The following TMEM200C variants were observed in gnomAD, a reference collection of about 807,000 sequenced individuals.
The protein encoded by TMEM200C is transmembrane protein 200C.
For missense variants in TMEM200C, 966 were observed against 699.9 expected (o/e 1.38, Z -4.29); for synonymous variants, 462 against 324.7 (o/e 1.42, Z -4.55).
intron 2 of TMEM200C, among the ~76,000 whole-genome samples, chr18:5,892,798 G>A (rs1004230188): frequency 6.6e-6 from 1 of 152,212 alleles, no homozygotes; most frequent in African/African-American, 2.4e-5. Context: ...CACCACTGGG[G>A]AAGCAGCAGA....
chr18:5,890,708 C>G (rs1394349367), exon 3 of TMEM200C: 2 of 516,566 alleles, frequency 3.9e-6, no homozygotes, highest in Non-Finnish European at 6.5e-6. Context: ...CGCCCTGCCC[C>G]CTGGCGGCGC....
chr18:5,890,288 C>CAGTT lies in TMEM200C; in HGVS notation c.1775_1776insAACT (p.Arg593ThrfsTer54), dbSNP rs1599525516. 1 of 1,599,854 alleles carries CAGTT rather than the reference C, an allele frequency of 6.3e-7. No individual in the cohort carries two copies. The highest frequency in any genetic ancestry group is 2.3e-5 in the East Asian group (1 of 44,438). On this transcript the variant is annotated frameshift_variant, in exon 3 of 3. Transcript: ENST00000581347. LOFTEE classifies it low-confidence loss of function (END_TRUNC). The stretch of plus-strand genomic sequence containing the variant: ...GTTTCTCCTTGTTTGTAAACTGCCT[C>CAGTT]TGCACCGGCTGAGGTTGCTCGGCCG...
chr18:5,890,218 G>A (rs746264079), exon 3 of TMEM200C: 1 of 1,560,034 alleles, frequency 6.4e-7, no homozygotes. Flanking sequence ...GTGCTTTCCA[G>A]TTCTTCTTCT....
exon 3 of TMEM200C, chr18:5,882,160 A>G (rs915400646): frequency 2.6e-5 from 4 of 152,188 alleles, no homozygotes; most frequent in Admixed American, 1.3e-4. Context: ...ATGCTGCATT[A>G]CAAGTTGCCA....
At chr18:5,887,502 A>C (rs751900624) in exon 3 of TMEM200C, 1 of 152,214 alleles carries the variant, frequency 6.6e-6, no homozygotes, top group African/African-American at 2.4e-5. Flanking sequence ...GCCCATTTCA[A>C]CTCAGCATCT....
intron 1 of TMEM200C, chr18:5,895,740 G>A (rs1291122082): frequency 3.3e-5 from 5 of 150,806 alleles, no homozygotes; most frequent in African/African-American, 1.2e-4. Flanking sequence ...GGGCGCTCGG[G>A]CCGCGGGGCA....
rs73384004 is a variant in TMEM200C, at chr18:5,891,995, C to G, written c.69G>C (p.Gln23His). The change falls in exon 3 of 3, where the codon CAG (glutamine) becomes CAC (histidine). Residue 23 changes from glutamine (Q) to histidine (H), a missense_variant. Transcript: ENST00000581347. The surrounding 1 kb of genome is among the most constrained non-coding windows in gnomAD (Gnocchi z 4.7). ...TGGCTTTCCGCTTGCGCTTGGGTAT[C>G]TGGCTTGGGGGGCGGAGTGGATCCT... 557 of 1,613,976 alleles carry G rather than the reference C, an allele frequency of 3.5e-4. 2 individuals are homozygous for G. The African/African-American group carries it at 6.6e-3, about 19-fold the overall frequency.
chr18:5,883,005 C>T (rs1357494265), exon 3 of TMEM200C: 1 of 151,792 alleles, frequency 6.6e-6, no homozygotes, highest in Non-Finnish European at 1.5e-5. Context: ...TTTACCATGA[C>T]ATATTAACCA....
exon 3 of TMEM200C, chr18:5,889,960 C>T: frequency 2.7e-6 from 1 of 372,800 alleles, no homozygotes; most frequent in Non-Finnish European, 4.7e-6. Flanking sequence ...ATTTGGTTTT[C>T]ATTGAACATA....
Position 5,891,719 on chromosome 18 carries a change from G to A in TMEM200C, c.345C>T (p.Ser115=). 3.1e-6 allele frequency: 5 copies of A among 1,613,236 alleles called. No individual in the cohort carries two copies. The highest frequency in any genetic ancestry group is 4.2e-6 in the Non-Finnish European group (5 of 1,179,846). Residue 115 remains serine (S), a synonymous_variant, in exon 3 of 3, where the codon AGC becomes AGT. Coordinates refer to ENST00000581347, the Ensembl canonical transcript of TMEM200C. The surrounding 1 kb of genome is among the most constrained non-coding windows in gnomAD (Gnocchi z 4.7). ...TGACACCCCCTGGAGCCCTAGGGTG[G>A]CTCCTGGACCGGTTTTTGCTGCCAC...
At chr18:5,884,624 G>C (rs1321459861) in exon 3 of TMEM200C, 1 of 152,014 alleles carries the variant, frequency 6.6e-6, no homozygotes, top group East Asian at 1.9e-4. Context: ...TTTACCAAAA[G>C]GGCAGAAGCT....
exon 3 of TMEM200C, chr18:5,890,805 A>T (rs2144448682): frequency 1.5e-6 from 1 of 668,268 alleles, no homozygotes; most frequent in East Asian, 3.0e-5. Context: ...GGTCATGCTC[A>T]GGTCGAGCTC....
At chr18:5,883,018 G>T (rs770079490) in exon 3 of TMEM200C, 1 of 148,424 alleles carries the variant, frequency 6.7e-6, no homozygotes, top group Non-Finnish European at 1.5e-5. Context: ...ATTAACCACA[G>T]CACTTTATCT....
exon 3 of TMEM200C, chr18:5,889,838 T>TAA (rs578105108): frequency 6.2e-6 from 1 of 160,648 alleles, no homozygotes; most frequent in Non-Finnish European, 1.3e-5. Flanking sequence ...AATGAGGGAT[T>TAA]AAAAAAAAAA....
exon 3 of TMEM200C, chr18:5,890,149 G>A: frequency 6.8e-7 from 1 of 1,479,916 alleles, no homozygotes; most frequent in Non-Finnish European, 9.0e-7. Flanking sequence ...TGATTCAAGT[G>A]GGCGTTTCTC....
chr18:5,893,000 T>C (rs1356946430), intron 2 of TMEM200C, among the ~76,000 whole-genome samples: 1 of 152,190 alleles, frequency 6.6e-6, no homozygotes, highest in Non-Finnish European at 1.5e-5. Context: ...CCTTCTGGCC[T>C]TCTTTCCTCC....
At position 5,890,947 on chromosome 18, in the gene TMEM200C, C is replaced by A. The variant is rs758229002; in HGVS notation, c.1117G>T (p.Asp373Tyr). Reference sequence around the variant, plus strand: ...AGCGCGAAGGCGCTCAGCGAGGAGTCCACGAAGGAGCTGGCCGTGCTCTGG... The same window carrying A: ...AGCGCGAAGGCGCTCAGCGAGGAGTACACGAAGGAGCTGGCCGTGCTCTGG... The change falls in exon 3 of 3, where the codon GAC becomes TAC. Residue 373 changes from aspartate (D) to tyrosine (Y), a missense_variant. Physicochemically the swap from Asp to Tyr is radical, Grantham distance 160. Transcript: ENST00000581347. 7.5e-6 allele frequency: 5 copies of A among 666,810 alleles called. No individual in the cohort carries two copies. The South Asian group carries it at 7.7e-5, about 10-fold the overall frequency. 41.3% of individuals were successfully genotyped at this position (666,810 alleles called of 1,614,324 possible).
At chr18:5,892,196 G>C (rs949616540) in intron 2 of TMEM200C, 39 bp from the exon 2 acceptor site, 20 of 899,750 alleles carry the variant, frequency 2.2e-5, no homozygotes, top group Admixed American at 5.5e-5. Context: ...GTGTCAGCTT[G>C]GCTGCAGTGA....
exon 3 of TMEM200C, chr18:5,886,571 C>A (rs1409323725): frequency 1.3e-5 from 2 of 152,174 alleles, no homozygotes; most frequent in Non-Finnish European, 2.9e-5. Context: ...TTGTCCCTAA[C>A]TACTGAGTAG....
Sources: gnomAD v4.1 joint callset for allele counts (sites outside exome capture counted in the v4.1 genomes callset) on GRCh38, gnomAD v4.1.1 for gene constraint, Gnocchi (gnomAD v3.1) non-coding constraint, MANE v1.5 for transcripts, NCBI Gene and HGNC (gene_info 2026-07-23, HGNC 2026-07-21) for gene names.